Variants in OSBPL8 observed in about 807,000 individuals in gnomAD.
OSBPL8 encodes the protein oxysterol-binding protein-related protein 8.
In OSBPL8, 59 loss-of-function variants were observed where a neutral mutation model predicts 125.5. The observed-to-expected ratio is 0.47, with a 90% CI of 0.38 to 0.58. The LOEUF (loss-of-function observed/expected upper bound fraction) is 0.58. OSBPL8 is among the 20% of genes least tolerant of loss of function. The probability of loss-of-function intolerance (pLI) is 0.00; values close to 1 mark genes in which losing one functional copy is unlikely to be tolerated. For synonymous variants in OSBPL8, 330 were observed against 338.9 expected (o/e 0.97, Z 0.29); for missense variants, 758 against 1,047.8 (o/e 0.72, Z 3.82).
chr12:76,533,908 T>C (rs1253751674), intron 1 of OSBPL8, among the ~76,000 whole-genome samples: 2 of 152,184 alleles, frequency 1.3e-5, no homozygotes, highest in South Asian at 4.1e-4. Flanking sequence ...ATAAAATCTC[T>C]ATCTAGGAAA....
At chr12:76,547,718 C>T (rs1201695266) in intron 1 of OSBPL8, among the ~76,000 whole-genome samples, 2 of 152,116 alleles carry the variant, frequency 1.3e-5, no homozygotes, top group African/African-American at 4.8e-5. Context: ...AATTAAAATG[C>T]CACAAGGGTC....
At chr12:76,375,950 G>A (rs1359007060) in intron 16 of OSBPL8, among the ~76,000 whole-genome samples, 1 of 152,100 alleles carries the variant, frequency 6.6e-6, no homozygotes, top group African/African-American at 2.4e-5. Flanking sequence ...TCTGTTGGCT[G>A]TTAGTTCAAT....
chr12:76,455,116 A>G (rs998625881), intron 3 of OSBPL8, among the ~76,000 whole-genome samples: 2 of 151,834 alleles, frequency 1.3e-5, no homozygotes, highest in African/African-American at 4.8e-5. Context: ...GTTGGTGGGC[A>G]CCTGTAGTCC....
chr12:76,389,015 T>C (rs1318457007), intron 12 of OSBPL8, among the ~76,000 whole-genome samples: 1 of 152,154 alleles, frequency 6.6e-6, no homozygotes, highest in Non-Finnish European at 1.5e-5. Flanking sequence ...AGGTAAGAAT[T>C]GGAAGCATGG....
chr12:76,550,173 AAAAC>A (rs1950896762), intron 1 of OSBPL8, among the ~76,000 whole-genome samples: 1 of 152,224 alleles, frequency 6.6e-6, no homozygotes, highest in Non-Finnish European at 1.5e-5. Flanking sequence ...GACACTAAGA[AAAAC>A]AGGAAGTCCT....
intron 9 of OSBPL8, among the ~76,000 whole-genome samples, chr12:76,393,214 C>T (rs564054864): frequency 3.5e-4 from 54 of 152,244 alleles, no homozygotes; most frequent in African/African-American, 1.3e-3. Flanking sequence ...CTGCATAATG[C>T]TACCATTAAC....
chr12:76,356,501 A>G, intron 23 of OSBPL8, 125 bp downstream of exon 23: 1 of 617,770 alleles, frequency 1.6e-6, no homozygotes, highest in Admixed American at 3.5e-5. Flanking sequence ...GATAGAGGCT[A>G]AACATTGTAT....
intron 1 of OSBPL8, among the ~76,000 whole-genome samples, chr12:76,490,352 C>A (rs1463513426): frequency 6.6e-6 from 1 of 152,208 alleles, no homozygotes; most frequent in Non-Finnish European, 1.5e-5. Flanking sequence ...TTTTCCTAAA[C>A]CACCCATGGA....
At chr12:76,479,289 G>A (rs1877182857) in intron 2 of OSBPL8, among the ~76,000 whole-genome samples, 3 of 152,092 alleles carry the variant, frequency 2.0e-5, no homozygotes, top group Admixed American at 6.5e-5. Flanking sequence ...CGCACTACAC[G>A]CCTGTATCAA....
At chr12:76,391,475 G>A (rs967277794) in intron 10 of OSBPL8, among the ~76,000 whole-genome samples, 5 of 151,990 alleles carry the variant, frequency 3.3e-5, no homozygotes, top group Non-Finnish European at 5.9e-5. Context: ...GCTCCAGATC[G>A]TAGGTCTGCA....
intron 1 of OSBPL8, among the ~76,000 whole-genome samples, chr12:76,525,458 G>A (rs972272884): frequency 6.6e-6 from 1 of 152,120 alleles, no homozygotes; most frequent in Non-Finnish European, 1.5e-5. Context: ...TTAATTACTG[G>A]TGTGTGACAC....
intron 15 of OSBPL8, among the ~76,000 whole-genome samples, chr12:76,380,989 TTC>T (rs1399771887): frequency 6.6e-6 from 1 of 152,196 alleles, no homozygotes; most frequent in Non-Finnish European, 1.5e-5. Context: ...CACACTTTTC[TTC>T]TCTGTTATTC....
intron 4 of OSBPL8, among the ~76,000 whole-genome samples, chr12:76,415,276 G>A (rs1461898834): frequency 2.8e-5 from 4 of 141,986 alleles, no homozygotes; most frequent in South Asian, 2.2e-4. Flanking sequence ...ATGGAGTCTC[G>A]CTCTGTCACC....
At chr12:76,366,496 G>GTTTGGT in intron 21 of OSBPL8, 1 of 362,578 alleles carries the variant, frequency 2.8e-6, no homozygotes, top group East Asian at 8.1e-5. Flanking sequence ...GCAACTTTTG[G>GTTTGGT]TTTGGTTTCA....
intron 1 of OSBPL8, among the ~76,000 whole-genome samples, chr12:76,555,681 G>T (rs982651091): frequency 6.6e-6 from 1 of 152,122 alleles, no homozygotes; most frequent in African/African-American, 2.4e-5. Context: ...TTACAAATGA[G>T]AAAACTAAGA....
At chr12:76,398,275 A>T (rs1953901147) in intron 7 of OSBPL8, among the ~76,000 whole-genome samples, 1 of 152,118 alleles carries the variant, frequency 6.6e-6, no homozygotes, top group African/African-American at 2.4e-5. Context: ...GCTTAAAACA[A>T]TTTTTCCCCT....
intron 15 of OSBPL8, among the ~76,000 whole-genome samples, chr12:76,378,842 C>T (rs762048879): frequency 1.2e-4 from 19 of 152,036 alleles, no homozygotes; most frequent in Non-Finnish European, 2.4e-4. Context: ...GTGATCTCGA[C>T]TCACTGTAAT....
intron 21 of OSBPL8, among the ~76,000 whole-genome samples, chr12:76,366,045 T>C (rs1322059195): frequency 6.6e-6 from 1 of 152,268 alleles, no homozygotes; most frequent in Non-Finnish European, 1.5e-5. Flanking sequence ...TTTGTAACTT[T>C]ATTTTCTTGT....
intron 5 of OSBPL8, among the ~76,000 whole-genome samples, chr12:76,406,894 T>A (rs944946256): frequency 5.9e-5 from 9 of 152,198 alleles, no homozygotes; most frequent in Non-Finnish European, 1.3e-4. Context: ...ATTACAAGCA[T>A]AAGCCACTGT....
Sources: gnomAD v4.1 joint callset for allele counts (sites outside exome capture counted in the v4.1 genomes callset) on GRCh38, gnomAD v4.1.1 for gene constraint, MANE v1.5 for transcripts, NCBI Gene and HGNC (gene_info 2026-07-23, HGNC 2026-07-21) for gene names.